Variants in PVT1 observed in about 807,000 individuals in gnomAD.
PVT1 encodes CXCR4/PVT1 fusion.
chr8:128,019,357 T>G (rs961015716), intron 4 of PVT1, among the ~76,000 whole-genome samples: 6 of 152,100 alleles, frequency 3.9e-5, no homozygotes, highest in African/African-American at 1.2e-4. Context: ...CGCCCCTTCT[T>G]GAGATAATCC....
chr8:127,961,241 G>A (rs1223539780), intron 3 of PVT1, among the ~76,000 whole-genome samples: 2 of 152,214 alleles, frequency 1.3e-5, no homozygotes, highest in African/African-American at 4.8e-5. Context: ...ATTTCAGAAA[G>A]CATGGCCTCT....
At chr8:127,962,944 T>G (rs971002305) in intron 3 of PVT1, among the ~76,000 whole-genome samples, 2 of 152,192 alleles carry the variant, frequency 1.3e-5, no homozygotes, top group South Asian at 2.1e-4. Context: ...GTCCCTATTT[T>G]ACTTGCAGAT....
intron 2 of PVT1, among the ~76,000 whole-genome samples, chr8:127,874,721 T>A (rs1206734516): frequency 6.6e-6 from 1 of 152,154 alleles, no homozygotes; most frequent in Admixed American, 6.5e-5. Context: ...GCAGTTCAAT[T>A]TGTTGTGTGA....
intron 3 of PVT1, among the ~76,000 whole-genome samples, chr8:127,908,972 G>A (rs752061320): frequency 3.2e-4 from 48 of 152,230 alleles, no homozygotes; most frequent in Non-Finnish European, 1.0e-4. Context: ...ACCCAGCAGA[G>A]TTGGTTGCTC....
exon 4 of PVT1, chr8:127,989,217 TC>T (rs1433311144): frequency 1.3e-5 from 2 of 152,220 alleles, no homozygotes; most frequent in Non-Finnish European, 2.9e-5. Context: ...ACATATCCTT[TC>T]AGCACTCTGG....
chr8:127,997,407 A>G lies in PVT1; in HGVS notation n.912+8116A>G, dbSNP rs189102115. On this transcript the variant is annotated intron_variant and non_coding_transcript_variant, in intron 4 of 10. Coordinates refer to ENST00000651587, the Ensembl canonical transcript of PVT1. ...AAGCAGGGGCCTGGATGGCCGCCAT[A>G]GTCCCTCCCAGCTTCGACATTACAC... is the stretch of plus-strand genomic sequence containing the variant. Among the ~76,000 whole-genome samples, 304 of 152,244 alleles carry G rather than the reference A, an allele frequency of 2.0e-3. 1 individual carries two copies. Among genetic ancestry groups the G allele is most frequent in the Middle Eastern group, 0.017 (5 of 294 alleles).
At chr8:128,058,025 A>G (rs575015730) in intron 4 of PVT1, among the ~76,000 whole-genome samples, 1 of 152,344 alleles carries the variant, frequency 6.6e-6, no homozygotes, top group Non-Finnish European at 1.5e-5. Flanking sequence ...TGGACCCTTC[A>G]TCAGGAGCTG....
chr8:127,862,797 A>G (rs1815242252), intron 2 of PVT1, among the ~76,000 whole-genome samples: 1 of 152,100 alleles, frequency 6.6e-6, no homozygotes, highest in South Asian at 2.1e-4. Context: ...TTTCATGTTT[A>G]TGGCTTATTT....
intron 3 of PVT1, among the ~76,000 whole-genome samples, chr8:127,905,363 C>A (rs554165948): frequency 6.6e-6 from 1 of 152,222 alleles, no homozygotes; most frequent in South Asian, 2.1e-4. Flanking sequence ...GGGATATAGA[C>A]CACCTGTGTG....
chr8:127,871,289 C>T (rs1235526011), intron 2 of PVT1, among the ~76,000 whole-genome samples: 3 of 152,190 alleles, frequency 2.0e-5, no homozygotes, highest in East Asian at 3.8e-4. Context: ...TTTTTGCTGA[C>T]GCGATGCCCA....
At chr8:128,100,618 TC>T (rs759158806) in intron 6 of PVT1, among the ~76,000 whole-genome samples, 17 of 152,130 alleles carry the variant, frequency 1.1e-4, no homozygotes, top group Non-Finnish European at 1.8e-4. Context: ...CAGTTGGTCA[TC>T]CCCTCTCTCA....
chr8:127,885,644 G>A (rs1586421700), intron 2 of PVT1, among the ~76,000 whole-genome samples: 2 of 152,122 alleles, frequency 1.3e-5, no homozygotes, highest in South Asian at 4.1e-4. Flanking sequence ...AGAGTTCAAC[G>A]TATGAATTTA....
chr8:127,835,397 G>A (rs1203898925), intron 2 of PVT1, among the ~76,000 whole-genome samples: 1 of 150,966 alleles, frequency 6.6e-6, no homozygotes, highest in Non-Finnish European at 1.5e-5. Context: ...GTTGAACAAT[G>A]AGAACATATG....
chr8:128,043,526 G>A (rs972805262), intron 4 of PVT1, among the ~76,000 whole-genome samples: 1 of 152,150 alleles, frequency 6.6e-6, no homozygotes, highest in Non-Finnish European at 1.5e-5. Flanking sequence ...CTCGCTCATA[G>A]AAGGAGATGG....
At chr8:127,879,065 A>C (rs887107073) in intron 2 of PVT1, among the ~76,000 whole-genome samples, 3 of 152,048 alleles carry the variant, frequency 2.0e-5, no homozygotes, top group Admixed American at 1.3e-4. Flanking sequence ...GTTTTGGTCA[A>C]CTCCTGGCAG....
intron 4 of PVT1, among the ~76,000 whole-genome samples, chr8:128,048,292 T>C (rs1017792893): frequency 2.0e-5 from 3 of 152,336 alleles, no homozygotes; most frequent in Admixed American, 1.3e-4. Context: ...AGAGGAGTTT[T>C]CTTTCCACAG....
Position 128,075,027 on chromosome 8 carries a change from C to T in PVT1, n.1114+4666C>T, listed in dbSNP as rs192362350. 1.3e-3 allele frequency among the ~76,000 whole-genome samples: 194 copies of T among 152,262 alleles called. 2 individuals are homozygous for T. The highest frequency in any genetic ancestry group is 3.7e-4 in the Non-Finnish European group (25 of 68,020). On this transcript the variant is annotated intron_variant and non_coding_transcript_variant, in intron 5 of 10. Transcript: ENST00000651587. ...ATATGTTTACAAACTGCAAACTATC[C>T]GTTGTACTATTATATTCATTTGTGA... is the stretch of plus-strand genomic sequence containing the variant.
At chr8:127,922,267 A>G (rs1816070192) in intron 3 of PVT1, among the ~76,000 whole-genome samples, 1 of 93,394 alleles carries the variant, frequency 1.1e-5, no homozygotes, top group South Asian at 4.9e-4. Context: ...TTCTTTTTCC[A>G]AGATACCCAC....
chr8:127,952,196 C>T (rs556796130), intron 3 of PVT1, among the ~76,000 whole-genome samples: 6 of 152,182 alleles, frequency 3.9e-5, no homozygotes, highest in African/African-American at 9.7e-5. Flanking sequence ...GGCTCACGAC[C>T]GATTGTAGAT....
Sources: allele counts gnomAD v4.1 joint callset (sites outside exome capture counted in the v4.1 genomes callset), GRCh38; gene constraint gnomAD v4.1.1; transcripts MANE v1.5; gene names NCBI Gene and HGNC (gene_info 2026-07-23, HGNC 2026-07-21).